Variants in TRMT9B observed in about 807,000 individuals in gnomAD.
TRMT9B encodes probable tRNA methyltransferase 9B.
Under a neutral mutation model 11.5 loss-of-function variants are expected in TRMT9B, and 16 were observed. That is an observed-to-expected ratio of 1.39 (90% CI 0.94 to 2.11). The LOEUF (loss-of-function observed/expected upper bound fraction) is 2.11. Ranked by LOEUF, TRMT9B falls within the 30% of genes most tolerant of loss-of-function variation. The pLI, the probability that TRMT9B is intolerant of heterozygous loss-of-function variation, is 0.00. For missense variants in TRMT9B, 941 were observed against 553.8 expected, an observed-to-expected ratio of 1.70 and a Z score of -7.02; for synonymous variants, 274 against 192.4, an observed-to-expected ratio of 1.42 and a Z score of -3.51.
intron 2 of TRMT9B, among the ~76,000 whole-genome samples, chr8:13,002,795 A>G (rs540103578): frequency 1.3e-5 from 2 of 152,284 alleles, no homozygotes; most frequent in South Asian, 4.2e-4. Flanking sequence ...CTCTCCATAC[A>G]GGGAAGACAC....
chr8:13,022,306 A>C lies in TRMT9B; in HGVS notation c.*262A>C. The C allele has an allele frequency of 2.8e-6, 1 of 358,586 alleles. No individual in the cohort carries two copies. Among genetic ancestry groups the C allele is most frequent in the Admixed American group, 4.5e-5 (1 of 22,376 alleles). The allele number at this position is 358,586 out of a possible 1,614,324, so 22.2% of individuals were successfully genotyped here. A position where few individuals can be genotyped will look rare whatever the true frequency, so the allele number is the denominator to read the frequency against. ...AGCAACAGAAAGTACCCTTCAGTAC[A>C]CCTCAGACTTTTTTTTAACCCCAGA... is the stretch of plus-strand genomic sequence containing the variant. On this transcript the variant is annotated 3_prime_UTR_variant, in exon 5 of 5. Coordinates refer to ENST00000524591, the MANE Select transcript of TRMT9B (RefSeq NM_020844.3).
At position 13,029,428 on chromosome 8, in the gene TRMT9B, G is replaced by C. The variant is rs1299375499; in HGVS notation, c.*7384G>C. 2 of 166,958 alleles carry C rather than the reference G, an allele frequency of 1.2e-5. No homozygotes were observed. The highest frequency in any genetic ancestry group is 4.8e-5 in the African/African-American group (2 of 41,456). The allele number at this position is 166,958 out of a possible 1,614,324, so 10.3% of individuals were successfully genotyped here. On this transcript the variant is annotated 3_prime_UTR_variant, in exon 5 of 5. Coordinates refer to ENST00000524591, the MANE Select transcript of TRMT9B (RefSeq NM_020844.3). ...TATTTGCATTAATCAATAATGTTCA[G>C]GATCTTTTTGTAGTAAGTATATTTT...
intron 3 of TRMT9B, chr8:13,010,351 AAAAG>A (rs1811367321): frequency 1.0e-6 from 1 of 974,772 alleles, no homozygotes; most frequent in Non-Finnish European, 1.2e-6. Context: ...AAAGAAATGA[AAAAG>A]AAAGAAGTTC....
chr8:13,015,805 C>G (rs965143127), intron 4 of TRMT9B, among the ~76,000 whole-genome samples: 1 of 152,134 alleles, frequency 6.6e-6, no homozygotes, highest in Admixed American at 6.6e-5. Flanking sequence ...CATCTCATGC[C>G]TTGCCCTCAG....
chr8:12,996,799 C>A (rs1416898622), intron 2 of TRMT9B, among the ~76,000 whole-genome samples: 2 of 152,002 alleles, frequency 1.3e-5, no homozygotes, highest in Non-Finnish European at 2.9e-5. Flanking sequence ...GTAACCCGAG[C>A]CCAGATCAAG....
At chr8:12,999,166 G>C (rs1808908229) in intron 2 of TRMT9B, among the ~76,000 whole-genome samples, 1 of 152,044 alleles carries the variant, frequency 6.6e-6, no homozygotes, top group African/African-American at 2.4e-5. Flanking sequence ...AGGCATGGTG[G>C]TACGTGCCTA....
intron 1 of TRMT9B, among the ~76,000 whole-genome samples, chr8:12,967,592 A>T (rs1347454725): frequency 6.6e-6 from 1 of 152,270 alleles, no homozygotes; most frequent in East Asian, 1.9e-4. Flanking sequence ...TGAACTAATA[A>T]TTAAATGCAT....
chr8:12,971,134 T>A (rs984142884), intron 1 of TRMT9B, among the ~76,000 whole-genome samples: 2 of 152,226 alleles, frequency 1.3e-5, no homozygotes, highest in East Asian at 3.8e-4. Flanking sequence ...ATTGCAGTTC[T>A]TGTAGCTATT....
intron 4 of TRMT9B, among the ~76,000 whole-genome samples, chr8:13,016,106 G>GATAT (rs147106628): frequency 1.9e-4 from 27 of 141,396 alleles, no homozygotes; most frequent in African/African-American, 6.3e-4. Flanking sequence ...ATATATATAT[G>GATAT]ATATATATAT....
chr8:13,003,286 C>A (rs1225675789), intron 2 of TRMT9B, among the ~76,000 whole-genome samples: 1 of 152,062 alleles, frequency 6.6e-6, no homozygotes, highest in East Asian at 1.9e-4. Flanking sequence ...AAGCCACAAC[C>A]CGAGTCCCTG....
rs1261073711 is a variant in TRMT9B at position 13,025,954 on chromosome 8, A to G, written c.*3910A>G. On this transcript the variant is annotated 3_prime_UTR_variant, in exon 5 of 5. Coordinates refer to ENST00000524591, the MANE Select transcript of TRMT9B (RefSeq NM_020844.3). ...ATCCAAATATAAACCAGCTAGGAAC[A>G]TGAATGCCCCTGATTATTAATGGCC... 6.0e-6 allele frequency: 1 copy of G among 167,056 alleles called. No individual in the cohort carries two copies. The highest frequency in any genetic ancestry group is 2.4e-5 in the African/African-American group (1 of 41,462). 10.3% of individuals were successfully genotyped at this position (167,056 alleles called of 1,614,324 possible). A position where few individuals can be genotyped will look rare whatever the true frequency, so the allele number is the denominator to read the frequency against.
intron 1 of TRMT9B, among the ~76,000 whole-genome samples, chr8:12,984,000 G>C (rs1805846185): frequency 6.6e-6 from 1 of 152,144 alleles, no homozygotes. Context: ...TTGCTTATCA[G>C]AAGCATATAA....
rs61536433 is a variant in TRMT9B at position 12,959,516 on chromosome 8, CTTTTTTTTTT to C, written c.-200+13564_-200+13573del. ...TCTCCTCTCCTTTCCTTTTTCCTTC[CTTTTTTTTTT>C]TTTTTTTTTTTTTGACAGAGTCTTG... is the stretch of plus-strand genomic sequence containing the variant. On this transcript the variant is annotated intron_variant, in intron 1 of 4. Transcript: ENST00000524591. 6.1e-3 allele frequency among the ~76,000 whole-genome samples: 459 copies of C among 74,948 alleles called. 1 individual carries two copies. The highest frequency in any genetic ancestry group is 0.022 in the African/African-American group (445 of 19,974). 49.2% of individuals were successfully genotyped at this position (74,948 alleles called of 152,430 possible).
rs562693537 is a variant in TRMT9B at position 13,024,093 on chromosome 8, G to A, written c.*2049G>A. ...GAGTCTCGCTCTGTCGCCCAGGCTGGAGTGCACTGGCGCGATCTCGGCTCA... is the reference window on the plus strand; with the variant it reads ...GAGTCTCGCTCTGTCGCCCAGGCTGAAGTGCACTGGCGCGATCTCGGCTCA... On this transcript the variant is annotated 3_prime_UTR_variant, in exon 5 of 5. Transcript: ENST00000524591. The A allele has an allele frequency of 1.4e-5, 2 of 140,162 alleles. No individual in the cohort carries two copies. The highest frequency in any genetic ancestry group is 5.5e-5 in the African/African-American group (2 of 36,356). The allele number at this position is 140,162 out of a possible 1,614,324, so 8.7% of individuals were successfully genotyped here.
intron 4 of TRMT9B, among the ~76,000 whole-genome samples, chr8:13,018,762 C>T (rs1216208879): frequency 6.6e-6 from 1 of 152,172 alleles, no homozygotes; most frequent in African/African-American, 2.4e-5. Flanking sequence ...ATACCAACAG[C>T]ACTGCAACTC....
intron 2 of TRMT9B, among the ~76,000 whole-genome samples, chr8:13,004,735 A>T (rs1053535721): frequency 4.1e-4 from 63 of 152,142 alleles, no homozygotes; most frequent in African/African-American, 1.5e-3. Context: ...GACTTAGCAC[A>T]TTCCCATCTG....
intron 1 of TRMT9B, among the ~76,000 whole-genome samples, chr8:12,966,075 G>A (rs1381359069): frequency 3.3e-5 from 5 of 149,256 alleles, no homozygotes; most frequent in Non-Finnish European, 5.9e-5. Context: ...CCTATAATCC[G>A]AGCACTTTGG....
At chr8:12,987,937 A>T (rs1806619147) in intron 1 of TRMT9B, among the ~76,000 whole-genome samples, 1 of 152,158 alleles carries the variant, frequency 6.6e-6, no homozygotes, top group Admixed American at 6.5e-5. Context: ...AGCCTGGAAA[A>T]AAGATCACAA....
At chr8:12,970,806 A>C (rs1185251342) in intron 1 of TRMT9B, among the ~76,000 whole-genome samples, 5 of 152,136 alleles carry the variant, frequency 3.3e-5, no homozygotes, top group African/African-American at 4.8e-5. Context: ...CTAGCCTCTT[A>C]GTCTGTACAG....
Sources: gnomAD v4.1 joint callset for allele counts (sites outside exome capture counted in the v4.1 genomes callset) on GRCh38, gnomAD v4.1.1 for gene constraint, MANE v1.5 for transcripts, NCBI Gene and HGNC (gene_info 2026-07-23, HGNC 2026-07-21) for gene names.